Variants in HOOK3 observed in about 807,000 individuals in gnomAD.
The protein encoded by HOOK3 is hook microtubule tethering protein 3.
Under a neutral mutation model 116.3 loss-of-function variants are expected in HOOK3, and 24 were observed. The observed-to-expected ratio is 0.21, with a 90% confidence interval of 0.15 to 0.29. HOOK3 has a LOEUF of 0.29. Ranked by LOEUF, HOOK3 falls within the 10% of genes least tolerant of loss-of-function variation. HOOK3 has a pLI of 1.00. For missense variants in HOOK3, 632 were observed against 830.2 expected (o/e 0.76, Z 2.93); for synonymous variants, 275 against 283.0 (o/e 0.97, Z 0.28).
rs1563318908 is a variant in HOOK3, at chr8:43,029,195, A to T, written c.*10697A>T. On this transcript the variant is annotated 3_prime_UTR_variant, in exon 22 of 22. Transcript: ENST00000307602. ...TGAGACGGAGTCTTGCTGTGTCACCAGGCTGGAGCAGTGGCACGATCTCGC... is the reference window on the plus strand; with the variant it reads ...TGAGACGGAGTCTTGCTGTGTCACCTGGCTGGAGCAGTGGCACGATCTCGC... 1 of 170,302 alleles carries T rather than the reference A, an allele frequency of 5.9e-6. No individual in the cohort carries two copies. Among genetic ancestry groups the T allele is most frequent in the Non-Finnish European group, 1.3e-5 (1 of 78,436 alleles). 10.5% of individuals were successfully genotyped at this position (170,302 alleles called of 1,614,324 possible).
At chr8:43,008,805 G>A (rs1258260324) in intron 18 of HOOK3, among the ~76,000 whole-genome samples, 3 of 147,186 alleles carry the variant, frequency 2.0e-5, no homozygotes, top group Non-Finnish European at 3.0e-5. Context: ...GACTACAGGC[G>A]CCCGCCACTA....
intron 15 of HOOK3, among the ~76,000 whole-genome samples, chr8:42,987,779 G>A (rs910419953): frequency 2.6e-5 from 4 of 151,964 alleles, no homozygotes; most frequent in African/African-American, 9.6e-5. Context: ...CTGTCTTTTT[G>A]TTCTTTTCCT....
chr8:42,950,538 A>G (rs970391557), intron 6 of HOOK3, 83 bp downstream of exon 6: 10 of 783,350 alleles, frequency 1.3e-5, no homozygotes, highest in Non-Finnish European at 1.7e-5. Context: ...GAAAATTTTA[A>G]GAGATTCTCC....
chr8:42,939,199 T>C (rs1808040137), intron 4 of HOOK3, among the ~76,000 whole-genome samples: 1 of 152,168 alleles, frequency 6.6e-6, no homozygotes, highest in African/African-American at 2.4e-5. Flanking sequence ...AAACCGCCAT[T>C]GTCATCATGG....
rs866877743 is a variant in HOOK3 at position 42,897,050 on chromosome 8, C to T, written c.-82C>T. ...GCAGGCGGGCCTGAGGCCGAGTCAG[C>T]TGCGCGGGCCCCCGGATCCCCCGAC... On this transcript the variant is annotated 5_prime_UTR_variant, in exon 1 of 22. Transcript: ENST00000307602. 2 of 1,095,204 alleles carry T rather than the reference C, an allele frequency of 1.8e-6. No individual in the cohort carries two copies. The highest frequency in any genetic ancestry group is 4.6e-5 in the South Asian group (1 of 21,792). 67.8% of individuals were successfully genotyped at this position (1,095,204 alleles called of 1,614,324 possible).
At chr8:42,950,888 T>C (rs1808326528) in intron 6 of HOOK3, among the ~76,000 whole-genome samples, 1 of 152,098 alleles carries the variant, frequency 6.6e-6, no homozygotes. Context: ...GGTTTCACTT[T>C]GTTAGCCAGA....
chr8:42,965,550 C>T (rs1045323520), intron 9 of HOOK3, among the ~76,000 whole-genome samples: 1 of 152,122 alleles, frequency 6.6e-6, no homozygotes, highest in Admixed American at 6.5e-5. Context: ...AGCACAAAAT[C>T]GAAAGACAAG....
intron 1 of HOOK3, among the ~76,000 whole-genome samples, chr8:42,899,093 G>C (rs1414771297): frequency 6.6e-6 from 1 of 152,160 alleles, no homozygotes; most frequent in East Asian, 1.9e-4. Flanking sequence ...GTTGGGGACC[G>C]TCTGTATTTG....
chr8:43,008,955 G>A (rs969102362), intron 18 of HOOK3, among the ~76,000 whole-genome samples: 8 of 151,354 alleles, frequency 5.3e-5, no homozygotes, highest in African/African-American at 9.7e-5. Flanking sequence ...CACCGCGCCC[G>A]GCCTAAATTT....
At chr8:42,930,261 C>T in intron 4 of HOOK3, 89 bp downstream of exon 4, 1 of 1,137,000 alleles carries the variant, frequency 8.8e-7, no homozygotes, top group East Asian at 2.9e-5. Flanking sequence ...AAATTGCTTT[C>T]AAAATTAATA....
rs2130482549 is a variant in HOOK3 at position 43,007,856 on chromosome 8, G to C, written c.1665G>C (p.Leu555=). ...TACCTGTTTGTTACAGAGAGAAGCT[G>C]CATGAGGCCAATAATGAACTACAGA... is the stretch of plus-strand genomic sequence containing the variant. ...KKKLEEHLEK[L]HEANNELQKK... is the part of the protein sequence containing the mutation. The change falls in exon 18 of 22, where the codon CTG becomes CTC. Residue 555 remains leucine, a synonymous_variant. Coordinates refer to ENST00000307602, the MANE Select transcript of HOOK3 (RefSeq NM_032410.4). 6.3e-7 allele frequency: 1 copy of C among 1,596,210 alleles called. No individual in the cohort carries two copies. The highest frequency in any genetic ancestry group is 1.7e-4 in the Middle Eastern group (1 of 5,980).
At chr8:42,915,928 A>G (rs923509006) in intron 2 of HOOK3, among the ~76,000 whole-genome samples, 3 of 152,210 alleles carry the variant, frequency 2.0e-5, no homozygotes, top group African/African-American at 7.2e-5. Flanking sequence ...GCTAAGAATC[A>G]AAGTACTTAC....
intron 13 of HOOK3, among the ~76,000 whole-genome samples, chr8:42,979,847 C>A (rs1053802699): frequency 3.9e-5 from 6 of 152,052 alleles, no homozygotes; most frequent in Non-Finnish European, 7.4e-5. Context: ...ATATATCTTT[C>A]TTGTTTTCAC....
At chr8:42,922,216 A>C (rs779108454) in intron 2 of HOOK3, among the ~76,000 whole-genome samples, 1 of 152,068 alleles carries the variant, frequency 6.6e-6, no homozygotes, top group African/African-American at 2.4e-5. Context: ...TGACACAGAA[A>C]GTTCAAGATA....
At chr8:42,916,288 A>G (rs1344182989) in intron 2 of HOOK3, among the ~76,000 whole-genome samples, 1 of 152,242 alleles carries the variant, frequency 6.6e-6, no homozygotes, top group African/African-American at 2.4e-5. Context: ...AAGTTAAAAG[A>G]AAGCTAATTT....
chr8:42,982,935 C>G (rs2130447109), intron 14 of HOOK3, among the ~76,000 whole-genome samples: 1 of 152,304 alleles, frequency 6.6e-6, no homozygotes, highest in Middle Eastern at 3.4e-3. Flanking sequence ...ATTGTTATGT[C>G]CAAAGCTTGA....
rs150795773 is a variant in HOOK3 at position 42,969,733 on chromosome 8, A to G, written c.1122+1519A>G. Among the ~76,000 whole-genome samples the G allele has an allele frequency of 8.6e-3, 1,303 of 152,300 alleles. 21 individuals are homozygous for G. Among genetic ancestry groups the G allele is most frequent in the African/African-American group, 0.029 (1,214 of 41,552 alleles). On this transcript the variant is annotated intron_variant, in intron 11 of 21. Transcript: ENST00000307602. ...TCTCCTTTTAATTATACTTCATGTTACCCTGATTACAAATATATTTACTGA... is the reference window on the plus strand; with the variant it reads ...TCTCCTTTTAATTATACTTCATGTTGCCCTGATTACAAATATATTTACTGA...
In HOOK3 at chr8:43,025,257, A is replaced by C. The variant is rs1166598519; in HGVS notation, c.*6759A>C. On this transcript the variant is annotated 3_prime_UTR_variant, in exon 22 of 22. Transcript: ENST00000307602. ...TTCAGAAGTTTTCTGTTTTCTTATA[A>C]TTTCCAGTAATACTCTGTAAGACTC... The C allele has an allele frequency of 4.8e-6, 1 of 207,610 alleles. No homozygotes were observed. Among genetic ancestry groups the C allele is most frequent in the African/African-American group, 2.3e-5 (1 of 43,952 alleles). The allele number at this position is 207,610 out of a possible 1,614,324, so 12.9% of individuals were successfully genotyped here. A position where few individuals can be genotyped will look rare whatever the true frequency, so the allele number is the denominator to read the frequency against.
rs1156605346 is a variant in HOOK3 at position 43,025,111 on chromosome 8, A to G, written c.*6613A>G. ...ATAGAGAAAGGGACATTTGTTTGAG[A>G]AACAAGAGACCTGTACCTAATTATG... On this transcript the variant is annotated 3_prime_UTR_variant, in exon 22 of 22. Coordinates refer to ENST00000307602, the MANE Select transcript of HOOK3 (RefSeq NM_032410.4). 1 of 212,964 alleles carries G rather than the reference A, an allele frequency of 4.7e-6. No individual in the cohort carries two copies. Among genetic ancestry groups the G allele is most frequent in the Non-Finnish European group, 9.5e-6 (1 of 105,372 alleles). 13.2% of individuals were successfully genotyped at this position (212,964 alleles called of 1,614,324 possible). A position where few individuals can be genotyped will look rare whatever the true frequency, so the allele number is the denominator to read the frequency against.
Sources: allele counts gnomAD v4.1 joint callset (sites outside exome capture counted in the v4.1 genomes callset), GRCh38; gene constraint gnomAD v4.1.1; transcripts MANE v1.5; gene names NCBI Gene and HGNC (gene_info 2026-07-23, HGNC 2026-07-21).